Variants in NKAIN3 observed in about 807,000 individuals in gnomAD.
NKAIN3 encodes sodium/potassium transporting ATPase interacting 3.
A neutral mutation model predicts 30.2 loss-of-function variants in NKAIN3; 25 were observed. The ratio of observed to expected loss-of-function variants is 0.83; its 90% CI spans 0.60 to 1.16. The LOEUF (loss-of-function observed/expected upper bound fraction) is 1.16. Among genes scored for constraint, NKAIN3 ranks in the 50% most tolerant of loss-of-function variants. The probability of loss-of-function intolerance (pLI) is 0.00; values close to 1 mark genes in which losing one functional copy is unlikely to be tolerated. For synonymous variants in NKAIN3, 91 were observed against 89.6 expected, an observed-to-expected ratio of 1.02 and a Z score of -0.09; for missense variants, 225 against 254.1, an observed-to-expected ratio of 0.89 and a Z score of 0.78.
At chr8:62,827,233 C>T (rs930981520) in intron 4 of NKAIN3, among the ~76,000 whole-genome samples, 1 of 152,096 alleles carries the variant, frequency 6.6e-6, no homozygotes, top group African/African-American at 2.4e-5. Flanking sequence ...TGTTAGCTGG[C>T]ATTAGTAACA....
chr8:62,911,151 T>C (rs1757511066), intron 4 of NKAIN3, among the ~76,000 whole-genome samples: 1 of 152,138 alleles, frequency 6.6e-6, no homozygotes, highest in African/African-American at 2.4e-5. Context: ...AAGTATTATA[T>C]TTTTTCCAAA....
At chr8:62,303,020 T>A (rs1330524869) in intron 1 of NKAIN3, among the ~76,000 whole-genome samples, 2 of 150,102 alleles carry the variant, frequency 1.3e-5, no homozygotes, top group Non-Finnish European at 2.9e-5. Flanking sequence ...AGGGGATGAG[T>A]ATATAAGGAG....
intron 1 of NKAIN3, among the ~76,000 whole-genome samples, chr8:62,471,742 G>C (rs1806355649): frequency 6.6e-6 from 1 of 152,090 alleles, no homozygotes; most frequent in Non-Finnish European, 1.5e-5. Context: ...ATCAAAGTTT[G>C]AGATCAGCCT....
In NKAIN3 at chr8:62,615,155, A is replaced by G. The variant is rs897192249; in HGVS notation, c.273+25361A>G. On this transcript the variant is annotated intron_variant, in intron 3 of 6. Transcript: ENST00000623646. The stretch of plus-strand genomic sequence containing the variant: ...CTCAGAGGCTCACCTGAGGCACTCA[A>G]GGTAGTACCTGGTATTGCTGCTTGT... Among the ~76,000 whole-genome samples, 3 of 110,768 alleles carry G rather than the reference A, an allele frequency of 2.7e-5. No individual in the cohort carries two copies. The East Asian group carries it at 1.0e-3, about 39-fold the overall frequency. The allele number at this position is 110,768 out of a possible 152,430, so 72.7% of individuals were successfully genotyped here. A position where few individuals can be genotyped will look rare whatever the true frequency, so the allele number is the denominator to read the frequency against.
At chr8:62,594,820 T>C (rs1159856500) in intron 3 of NKAIN3, among the ~76,000 whole-genome samples, 1 of 151,536 alleles carries the variant, frequency 6.6e-6, no homozygotes, top group Non-Finnish European at 1.5e-5. Context: ...TTCCCTCCCT[T>C]CCTTCCTTCA....
chr8:62,694,386 AATCTTATGATTTGTAGCAACAT>A (rs1409252984), intron 3 of NKAIN3, among the ~76,000 whole-genome samples: 2 of 152,328 alleles, frequency 1.3e-5, no homozygotes, highest in African/African-American at 4.8e-5. Context: ...AAAAGACTGA[AATCTTATGATTTGTAGCAACAT>A]AGATAGAACT....
intron 4 of NKAIN3, among the ~76,000 whole-genome samples, chr8:62,897,911 G>A (rs1426717594): frequency 6.6e-6 from 1 of 152,100 alleles, no homozygotes; most frequent in Non-Finnish European, 1.5e-5. Context: ...AGATGCAGAT[G>A]CCCAACTCTG....
chr8:62,581,738 TC>T (rs1810297893), intron 2 of NKAIN3, among the ~76,000 whole-genome samples: 1 of 139,784 alleles, frequency 7.2e-6, no homozygotes, highest in Non-Finnish European at 1.5e-5. Flanking sequence ...CCTTCCTCCC[TC>T]CCTCCATCCA....
rs1285192160 is a variant in NKAIN3, at chr8:62,981,808, A to G, written c.*16401A>G. 2 of 151,724 alleles carry G rather than the reference A, an allele frequency of 1.3e-5. No homozygotes were observed. The highest frequency in any genetic ancestry group is 4.8e-5 in the African/African-American group (2 of 41,308). The allele number at this position is 151,724 out of a possible 1,614,324, so 9.4% of individuals were successfully genotyped here. ...GATTTTATAAAATCCATACTCTAAAACTCCTGAGTTTTACATGTACCCTAA... is the reference window on the plus strand; with the variant it reads ...GATTTTATAAAATCCATACTCTAAAGCTCCTGAGTTTTACATGTACCCTAA... On this transcript the variant is annotated 3_prime_UTR_variant, in exon 7 of 7. Transcript: ENST00000623646.
intron 3 of NKAIN3, among the ~76,000 whole-genome samples, chr8:62,590,001 CT>C (rs1428141715): frequency 6.6e-6 from 1 of 150,872 alleles, no homozygotes; most frequent in Non-Finnish European, 1.5e-5. Context: ...TATCATGGAA[CT>C]TCAAAACAAC....
intron 1 of NKAIN3, among the ~76,000 whole-genome samples, chr8:62,424,490 C>T (rs1804740920): frequency 6.6e-6 from 1 of 151,732 alleles, no homozygotes; most frequent in East Asian, 1.9e-4. Context: ...GTGTGAAGGG[C>T]TTGAATAGAC....
chr8:62,657,336 C>G lies in NKAIN3; in HGVS notation c.273+67542C>G, dbSNP rs139645611. ...TTTAATAGACTGGTTGGTCAATACT[C>G]TATGTTTAATTATAATTCATTTGGA... On this transcript the variant is annotated intron_variant, in intron 3 of 6. Transcript: ENST00000623646. Among the ~76,000 whole-genome samples the G allele has an allele frequency of 1.6e-3, 247 of 152,238 alleles. 1 individual carries two copies. Among genetic ancestry groups the G allele is most frequent in the African/African-American group, 5.5e-3 (229 of 41,540 alleles).
chr8:62,423,994 T>C (rs1241087467), intron 1 of NKAIN3, among the ~76,000 whole-genome samples: 3 of 151,998 alleles, frequency 2.0e-5, no homozygotes, highest in African/African-American at 7.2e-5. Flanking sequence ...CATCACTCTT[T>C]ATTTCCTCTG....
At chr8:62,438,078 G>T (rs1805222571) in intron 1 of NKAIN3, among the ~76,000 whole-genome samples, 1 of 152,000 alleles carries the variant, frequency 6.6e-6, no homozygotes, top group Non-Finnish European at 1.5e-5. Flanking sequence ...TGTACTGTGG[G>T]TCCCATGAGC....
chr8:62,368,689 T>C (rs754369572), intron 1 of NKAIN3, among the ~76,000 whole-genome samples: 14 of 152,176 alleles, frequency 9.2e-5, no homozygotes, highest in Non-Finnish European at 1.9e-4. Context: ...ATAAGTCTTG[T>C]GGACATCTGC....
intron 1 of NKAIN3, among the ~76,000 whole-genome samples, chr8:62,385,851 C>T (rs1440606543): frequency 1.3e-5 from 2 of 152,184 alleles, no homozygotes; most frequent in Non-Finnish European, 2.9e-5. Flanking sequence ...TCATAGGTTA[C>T]TGTGTGCATC....
intron 4 of NKAIN3, among the ~76,000 whole-genome samples, chr8:62,915,736 A>G (rs1337624742): frequency 1.3e-5 from 2 of 152,196 alleles, no homozygotes; most frequent in East Asian, 1.9e-4. Flanking sequence ...CTTCTAACAT[A>G]TGGTTTAGTA....
At chr8:62,450,270 G>A (rs1805602160) in intron 1 of NKAIN3, among the ~76,000 whole-genome samples, 1 of 152,016 alleles carries the variant, frequency 6.6e-6, no homozygotes, top group Non-Finnish European at 1.5e-5. Flanking sequence ...TATTAATGTG[G>A]AGTGAGGATA....
chr8:62,761,241 G>C (rs1816652293), intron 4 of NKAIN3, among the ~76,000 whole-genome samples: 1 of 152,088 alleles, frequency 6.6e-6, no homozygotes, highest in Non-Finnish European at 1.5e-5. Context: ...AAGGAAAACT[G>C]TGCTGCAAAG....
Sources: gnomAD v4.1 joint callset for allele counts (sites outside exome capture counted in the v4.1 genomes callset) on GRCh38, gnomAD v4.1.1 for gene constraint, MANE v1.5 for transcripts, NCBI Gene and HGNC (gene_info 2026-07-23, HGNC 2026-07-21) for gene names.